NUF2: variants seen among roughly 807,000 people sequenced by gnomAD.
NUF2 encodes NUF2 component of NDC80 kinetochore complex.
A neutral mutation model predicts 61.8 loss-of-function variants in NUF2; 34 were observed. The observed-to-expected ratio is 0.55, with a 90% CI of 0.42 to 0.73. The LOEUF (loss-of-function observed/expected upper bound fraction) is 0.73, where lower values mean the gene tolerates loss of function less well. Among genes scored for constraint, NUF2 ranks in the 30% least tolerant of loss-of-function variants. The pLI is 0.00. For missense variants in NUF2, 445 were observed against 539.1 expected (o/e 0.83, Z 1.73); for synonymous variants, 172 against 181.6 (o/e 0.95, Z 0.42).
intron 1 of NUF2, among the ~76,000 whole-genome samples, chr1:163,324,566 A>G (rs565545467): frequency 3.3e-4 from 50 of 152,326 alleles, no homozygotes; most frequent in Middle Eastern, 3.4e-3. Context: ...GCCCATTTCA[A>G]TTTGTTTGCA....
chr1:163,346,998 C>T (rs1267544541), intron 11 of NUF2, among the ~76,000 whole-genome samples: 2 of 152,100 alleles, frequency 1.3e-5, no homozygotes, highest in Admixed American at 6.5e-5. Context: ...CACAGTTGAC[C>T]AGGGGTAACT....
intron 1 of NUF2, among the ~76,000 whole-genome samples, chr1:163,325,421 G>A (rs898778885): frequency 2.6e-5 from 4 of 152,170 alleles, no homozygotes; most frequent in Non-Finnish European, 5.9e-5. Context: ...AACTCACTAC[G>A]TGAAGACATT....
At position 163,322,038 on chromosome 1, in the gene NUF2, C is replaced by G. The variant is rs1025560619; in HGVS notation, c.-195C>G. 6.6e-6 allele frequency: 1 copy of G among 152,270 alleles called. No homozygotes were observed. 9.4% of individuals were successfully genotyped at this position (152,270 alleles called of 1,614,324 possible). On this transcript the variant is annotated 5_prime_UTR_variant, in exon 1 of 14. Transcript: ENST00000271452. ...GCTTGTAGCTGCTCCCCGAACTCGC[C>G]GTCTTCCTGTCGGCGGCCGGCACTG...
intron 1 of NUF2, among the ~76,000 whole-genome samples, chr1:163,323,739 A>T (rs1375734972): frequency 6.6e-6 from 1 of 152,144 alleles, no homozygotes; most frequent in Non-Finnish European, 1.5e-5. Flanking sequence ...AAAAATAGAC[A>T]AAACGTCCTA....
intron 8 of NUF2, among the ~76,000 whole-genome samples, chr1:163,339,820 A>G (rs902386800): frequency 2.0e-5 from 3 of 152,154 alleles, no homozygotes; most frequent in Non-Finnish European, 2.9e-5. Flanking sequence ...CAAGGGAACC[A>G]CTGTAGTACT....
chr1:163,352,838 C>A (rs1187102584), intron 13 of NUF2, among the ~76,000 whole-genome samples: 1 of 152,064 alleles, frequency 6.6e-6, no homozygotes. Context: ...TGCACTCCAG[C>A]CTGGGCGACA....
chr1:163,327,915 G>A, intron 3 of NUF2: 1 of 362,046 alleles, frequency 2.8e-6, no homozygotes, highest in Non-Finnish European at 4.9e-6. Flanking sequence ...TCCCAAATTA[G>A]AGTAGAAGAT....
chr1:163,336,878 T>A, intron 6 of NUF2, 30 bp downstream of exon 6: 1 of 1,314,432 alleles, frequency 7.6e-7, no homozygotes, highest in South Asian at 1.2e-5. Context: ...TGGGGTTACA[T>A]GCCAGATCAG....
intron 5 of NUF2, among the ~76,000 whole-genome samples, chr1:163,336,401 T>G (rs1650762166): frequency 6.6e-6 from 1 of 152,196 alleles, no homozygotes; most frequent in South Asian, 2.1e-4. Context: ...AGTAATGGAA[T>G]TCACCTCATT....
chr1:163,350,808 A>C (rs895668820), intron 13 of NUF2, among the ~76,000 whole-genome samples: 4 of 152,134 alleles, frequency 2.6e-5, no homozygotes, highest in Non-Finnish European at 4.4e-5. Context: ...TTTGAGACCC[A>C]CTAATAGGCT....
chr1:163,331,307 T>C (rs1464014746), intron 5 of NUF2, among the ~76,000 whole-genome samples: 1 of 151,936 alleles, frequency 6.6e-6, no homozygotes, highest in Admixed American at 6.6e-5. Context: ...TCTACCAAAT[T>C]ACATTACTTG....
intron 1 of NUF2, 103 bp from the exon 2 acceptor site, chr1:163,325,929 T>C: frequency 1.3e-6 from 1 of 772,600 alleles, no homozygotes; most frequent in Non-Finnish European, 2.2e-6. Flanking sequence ...AACACTACTA[T>C]GAATAGTTCA....
At chr1:163,326,732 G>T (rs939060443) in intron 2 of NUF2, among the ~76,000 whole-genome samples, 39 of 152,200 alleles carry the variant, frequency 2.6e-4, no homozygotes, top group Admixed American at 4.6e-4. Context: ...AAGTGATAAC[G>T]TAGTAAAACC....
chr1:163,331,646 G>A (rs1329302933), intron 5 of NUF2, among the ~76,000 whole-genome samples: 1 of 151,822 alleles, frequency 6.6e-6, no homozygotes, highest in African/African-American at 2.4e-5. Flanking sequence ...TTTCTCTCTG[G>A]GATAAATTAA....
chr1:163,343,100 A>G (rs1651002944), intron 9 of NUF2, among the ~76,000 whole-genome samples: 2 of 152,162 alleles, frequency 1.3e-5, no homozygotes, highest in Non-Finnish European at 2.9e-5. Context: ...TGATTCTTCA[A>G]ATAGTTACAT....
At chr1:163,326,605 A>T (rs141941935) in intron 2 of NUF2, among the ~76,000 whole-genome samples, 375 of 152,230 alleles carry the variant, frequency 2.5e-3, no homozygotes, top group African/African-American at 8.8e-3. Flanking sequence ...CCCAGGGGGA[A>T]TTGACTTGTT....
In NUF2 at chr1:163,327,764, A is replaced by G. The variant is rs146293452; in HGVS notation, c.198+202A>G. ...AATAATGGTTTATATCCATAGATTT[A>G]GTAAGATGAAAACCATAGTAAAAGA... is the stretch of plus-strand genomic sequence containing the variant. On this transcript the variant is annotated intron_variant, in intron 3 of 13. Transcript: ENST00000271452. 5.7e-3 allele frequency: 2,909 copies of G among 511,356 alleles called. 13 individuals are homozygous for G. Among genetic ancestry groups the G allele is most frequent in the Non-Finnish European group, 8.1e-3 (2,350 of 290,470 alleles). 31.7% of individuals were successfully genotyped at this position (511,356 alleles called of 1,614,324 possible).
chr1:163,340,260 T>A, intron 8 of NUF2, 104 bp from the exon 9 acceptor site: 2 of 822,676 alleles, frequency 2.4e-6, no homozygotes, highest in Non-Finnish European at 4.0e-6. Context: ...ATATCTGATC[T>A]AACACATTTA....
chr1:163,335,565 GTTTT>G (rs1553231318), intron 5 of NUF2, among the ~76,000 whole-genome samples: 1 of 150,240 alleles, frequency 6.7e-6, no homozygotes, highest in Non-Finnish European at 1.5e-5. Context: ...TTTGTTTTTG[GTTTT>G]TTTTTGTTTG....
Sources: allele counts gnomAD v4.1 joint callset (sites outside exome capture counted in the v4.1 genomes callset), GRCh38; gene constraint gnomAD v4.1.1; transcripts MANE v1.5; gene names NCBI Gene and HGNC (gene_info 2026-07-23, HGNC 2026-07-21).